Variants in GCNT1 observed in about 807,000 individuals in gnomAD.
GCNT1 encodes the protein beta-1,3-galactosyl-O-glycosyl-glycoprotein beta-1,6-N-acetylglucosaminyltransferase.
Under a neutral mutation model 26.2 loss-of-function variants are expected in GCNT1, and 16 were observed. That is an observed-to-expected ratio of 0.61 (90% CI 0.41 to 0.93). The LOEUF is 0.93. GCNT1 is among the 40% of genes least tolerant of loss of function. GCNT1 has a pLI of 0.00. For missense variants in GCNT1, 477 were observed against 526.7 expected, an observed-to-expected ratio of 0.91 and a Z score of 0.92; for synonymous variants, 183 against 190.8, an observed-to-expected ratio of 0.96 and a Z score of 0.34.
chr9:76,412,239 T>C, the GCNT1 span, among the ~76,000 whole-genome samples: 3 of 152,202 alleles, frequency 2.0e-5, no homozygotes, highest in Non-Finnish European at 4.4e-5. Context: ...TAAGCATAAG[T>C]GTATGTATAT....
intron 1 of GCNT1, among the ~76,000 whole-genome samples, chr9:76,434,025 G>A (rs1364559872): frequency 6.6e-6 from 1 of 152,194 alleles, no homozygotes; most frequent in Non-Finnish European, 1.5e-5. Context: ...TATAACCTAA[G>A]AAGTAGAAGT....
chr9:76,433,611 G>A (rs1295202384), intron 1 of GCNT1, among the ~76,000 whole-genome samples: 1 of 152,206 alleles, frequency 6.6e-6, no homozygotes, highest in Admixed American at 6.5e-5. Context: ...GCTGAGTGCT[G>A]CAGTCGCGGT....
chr9:76,487,528 C>T (rs921032855), intron 2 of GCNT1, among the ~76,000 whole-genome samples: 6 of 152,184 alleles, frequency 3.9e-5, no homozygotes, highest in Non-Finnish European at 7.3e-5. Context: ...TGCTTACGTG[C>T]ATATGTAGGC....
the GCNT1 span, among the ~76,000 whole-genome samples, chr9:76,400,326 C>G: frequency 6.6e-6 from 1 of 152,138 alleles, no homozygotes; most frequent in Admixed American, 6.5e-5. Context: ...TAAATAGTTA[C>G]CAAGTCTCTC....
chr9:76,494,577 T>G (rs543201985), intron 2 of GCNT1, among the ~76,000 whole-genome samples: 7 of 152,308 alleles, frequency 4.6e-5, no homozygotes, highest in African/African-American at 1.7e-4. Flanking sequence ...AAAAATTATT[T>G]CTTTCTGATT....
chr9:76,459,116 G>A (rs923151112), upstream of GCNT1: 3 of 152,356 alleles, frequency 2.0e-5, no homozygotes, highest in African/African-American at 4.8e-5. Flanking sequence ...GCAGGTGGGC[G>A]AGGCGGGGAC....
chr9:76,409,384 A>C, the GCNT1 span, among the ~76,000 whole-genome samples: 2 of 151,808 alleles, frequency 1.3e-5, no homozygotes, highest in Non-Finnish European at 2.9e-5. Context: ...TATCAAAGAA[A>C]CTGCATCTGG....
chr9:76,475,225 A>T (rs911031882), intron 2 of GCNT1, among the ~76,000 whole-genome samples: 1 of 152,338 alleles, frequency 6.6e-6, no homozygotes, highest in East Asian at 1.9e-4. Context: ...AATTTAGATG[A>T]TGTGGAAATG....
intron 2 of GCNT1, among the ~76,000 whole-genome samples, chr9:76,491,652 C>T (rs1824740314): frequency 6.6e-6 from 1 of 152,164 alleles, no homozygotes; most frequent in South Asian, 2.1e-4. Flanking sequence ...TCCCATTCTC[C>T]ACAAATGAAC....
intron 1 of GCNT1, among the ~76,000 whole-genome samples, chr9:76,426,402 C>T (rs550447056): frequency 3.3e-5 from 5 of 151,916 alleles, no homozygotes; most frequent in African/African-American, 9.7e-5. Context: ...GCCCTGTCTT[C>T]GCAAAAAATA....
intron 1 of GCNT1, among the ~76,000 whole-genome samples, chr9:76,424,647 C>T (rs567523208): frequency 6.6e-6 from 1 of 152,248 alleles, no homozygotes; most frequent in East Asian, 1.9e-4. Flanking sequence ...TCACAGAGCA[C>T]GCTGAGTAAT....
At chr9:76,425,085 G>A (rs1410355758) in intron 1 of GCNT1, among the ~76,000 whole-genome samples, 1 of 140,116 alleles carries the variant, frequency 7.1e-6, no homozygotes, top group Admixed American at 7.5e-5. Context: ...CTTGCAGTGA[G>A]CCGAGATCGT....
intron 2 of GCNT1, among the ~76,000 whole-genome samples, chr9:76,497,905 A>G (rs1824955016): frequency 6.6e-6 from 1 of 151,814 alleles, no homozygotes; most frequent in Admixed American, 6.5e-5. Context: ...AGTAAACAAT[A>G]TGTTCACAAA....
In GCNT1 at chr9:76,502,273, T is replaced by G; in HGVS notation, c.-109T>G. ...TCATTTCAAGATGCCGTTGCAGCTC[T>G]GATAAATGCAAACTGACAACCTTCA... On this transcript the variant is annotated 5_prime_UTR_variant, in exon 4 of 4. It removes the in-frame stop codon of an upstream open reading frame in the 5' UTR. Transcript: ENST00000376730. 1 of 631,116 alleles carries G rather than the reference T, an allele frequency of 1.6e-6. No individual in the cohort carries two copies. The highest frequency in any genetic ancestry group is 2.7e-6 in the Non-Finnish European group (1 of 364,966). 39.1% of individuals were successfully genotyped at this position (631,116 alleles called of 1,614,324 possible). A position where few individuals can be genotyped will look rare whatever the true frequency, so the allele number is the denominator to read the frequency against.
Position 76,502,553 on chromosome 9 carries a change from A to C in GCNT1, c.172A>C (p.Asn58His). 1 of 1,614,022 alleles carries C rather than the reference A, an allele frequency of 6.2e-7. No homozygotes were observed. The highest frequency in any genetic ancestry group is 8.5e-7 in the Non-Finnish European group (1 of 1,179,892). Residue 58 changes from asparagine to histidine, a missense_variant, in exon 4 of 4, where the codon AAT becomes CAT. Coordinates refer to ENST00000376730, the MANE Select transcript of GCNT1 (RefSeq NM_001490.5). ...TGGGGAGAATCCTAGTAGTGATATT[A>C]ATTGCACCAAAGTTTTACAGGGTGA... Reference protein sequence around the residue: ...LAGENPSSDINCTKVLQGDVN... With the variant: ...LAGENPSSDIHCTKVLQGDVN...
At chr9:76,437,253 C>T (rs1034491964), upstream of GCNT1, among the ~76,000 whole-genome samples, 19 of 152,160 alleles carry the variant, frequency 1.2e-4, no homozygotes, top group African/African-American at 3.9e-4. Context: ...CATTCCCAGA[C>T]GGTTCAGCAT....
At chr9:76,439,456 C>T (rs1054878611), upstream of GCNT1, among the ~76,000 whole-genome samples, 2 of 152,022 alleles carry the variant, frequency 1.3e-5, no homozygotes, top group Admixed American at 6.5e-5. Flanking sequence ...AACTCCTGAC[C>T]TCAGGTGATC....
chr9:76,394,237 C>T, the GCNT1 span: 3 of 1,500,002 alleles, frequency 2.0e-6, no homozygotes, highest in African/African-American at 1.4e-5. Context: ...GCCGTCGACG[C>T]GGCGCCCAGA....
chr9:76,478,560 A>G (rs1246811290), intron 2 of GCNT1, among the ~76,000 whole-genome samples: 2 of 152,228 alleles, frequency 1.3e-5, no homozygotes, highest in Non-Finnish European at 2.9e-5. Flanking sequence ...CACCAGAAGG[A>G]ATAAATTTCA....
Sources: allele counts gnomAD v4.1 joint callset (sites outside exome capture counted in the v4.1 genomes callset), GRCh38; gene constraint gnomAD v4.1.1; transcripts MANE v1.5; gene names NCBI Gene and HGNC (gene_info 2026-07-23, HGNC 2026-07-21).